Variants in ARHGAP30 observed in about 807,000 individuals in gnomAD.
ARHGAP30 encodes the protein Rho GTPase activating protein 30, also known as rho GTPase-activating protein 30.
ARHGAP30 carries 23 observed loss-of-function variants against 72.0 expected under a neutral mutation model. The ratio of observed to expected loss-of-function variants is 0.32; its 90% CI spans 0.23 to 0.45. The LOEUF (loss-of-function observed/expected upper bound fraction) is 0.45. Ranked by LOEUF, ARHGAP30 falls within the 20% of genes least tolerant of loss-of-function variation. The pLI, the probability that ARHGAP30 is intolerant of heterozygous loss-of-function variation, is 1.00. For missense variants in ARHGAP30, 1,319 were observed against 1,383.4 expected, an observed-to-expected ratio of 0.95 and a Z score of 0.74; for synonymous variants, 576 against 528.2, an observed-to-expected ratio of 1.09 and a Z score of -1.24.
chr1:161,058,884 G>A (rs1652109851), intron 2 of ARHGAP30, among the ~76,000 whole-genome samples: 1 of 145,486 alleles, frequency 6.9e-6, no homozygotes, highest in Admixed American at 7.0e-5. Flanking sequence ...AGAAAGAAAT[G>A]TCCTGGAATT....
At chr1:161,053,006 G>T in intron 6 of ARHGAP30, 1 of 864,388 alleles carries the variant, frequency 1.2e-6, no homozygotes, top group Non-Finnish European at 1.7e-6. Context: ...TGGTGGGCTG[G>T]GGGTGGATAT....
intron 5 of ARHGAP30, 98 bp from the exon 6 acceptor site, chr1:161,053,483 TCTCTCTCTCTCTCTCTCTCTCTC>T: frequency 2.4e-6 from 3 of 1,224,690 alleles, no homozygotes; most frequent in African/African-American, 1.7e-5. Context: ...TCTCTCTCTC[TCTCTCTCTCTCTCTCTCTCTCTC>T]GAATGACCTT....
Position 161,061,314 on chromosome 1 carries a change from C to T in ARHGAP30, c.98-1598G>A, listed in dbSNP as rs867319696. ...CCAAGTAGCTGGAATTACAGACACG[C>T]GCCACCACGCCCAGCTAATTTTTGT... is the stretch of plus-strand genomic sequence containing the variant. On this transcript the variant is annotated intron_variant, in intron 1 of 11. Coordinates refer to ENST00000368013, the MANE Select transcript of ARHGAP30 (RefSeq NM_001025598.2). 2.9e-4 allele frequency among the ~76,000 whole-genome samples: 35 copies of T among 120,426 alleles called. No homozygotes were observed. The Middle Eastern group carries it at 0.019, about 67-fold the overall frequency. 79.0% of individuals were successfully genotyped at this position (120,426 alleles called of 152,430 possible). A position where few individuals can be genotyped will look rare whatever the true frequency, so the allele number is the denominator to read the frequency against.
At chr1:161,066,605 G>A (rs1001493003) in intron 1 of ARHGAP30, among the ~76,000 whole-genome samples, 2 of 136,292 alleles carry the variant, frequency 1.5e-5, no homozygotes, top group Non-Finnish European at 3.0e-5. Context: ...AGATGGTTGT[G>A]CTGCACTCCA....
intron 2 of ARHGAP30, 146 bp downstream of exon 2, chr1:161,059,468 C>T (rs1407958284): frequency 5.2e-6 from 3 of 579,796 alleles, no homozygotes; most frequent in East Asian, 3.1e-5. Context: ...TGTTAGAGCA[C>T]CTCCCTAGGA....
rs1360908494 is a variant in ARHGAP30, at chr1:161,049,832, C to G, written c.1421-143G>C. 4.4e-6 allele frequency: 5 copies of G among 1,143,758 alleles called. No individual in the cohort carries two copies. The African/African-American group carries it at 6.2e-5, about 14-fold the overall frequency. The allele number at this position is 1,143,758 out of a possible 1,614,324, so 70.9% of individuals were successfully genotyped here. On this transcript the variant is annotated intron_variant, in intron 10 of 11. Coordinates refer to ENST00000368013, the MANE Select transcript of ARHGAP30 (RefSeq NM_001025598.2). ...TGACTGATCCTTTCAGACCAATGTC[C>G]CTAGTTATTGGCTTGCTACCTTAAT...
intron 1 of ARHGAP30, among the ~76,000 whole-genome samples, chr1:161,066,878 C>G (rs1652816896): frequency 6.6e-6 from 1 of 152,106 alleles, no homozygotes; most frequent in South Asian, 2.1e-4. Flanking sequence ...GTCTGAGCTG[C>G]TGCTGTACTC....
At chr1:161,066,537 G>A (rs542678235) in intron 1 of ARHGAP30, among the ~76,000 whole-genome samples, 8 of 150,354 alleles carry the variant, frequency 5.3e-5, no homozygotes, top group East Asian at 2.0e-4. Context: ...CCAGCTACTC[G>A]AGAGGCTGAG....
At chr1:161,054,517 C>G in intron 4 of ARHGAP30, 44 bp from the exon 5 acceptor site, 1 of 1,605,354 alleles carries the variant, frequency 6.2e-7, no homozygotes, top group Non-Finnish European at 8.5e-7. Flanking sequence ...ATGCCCAGGG[C>G]AGGCATTAGG....
intron 7 of ARHGAP30, 27 bp from the exon 8 acceptor site, chr1:161,052,570 G>C: frequency 6.2e-7 from 1 of 1,614,032 alleles, no homozygotes; most frequent in Non-Finnish European, 8.5e-7. Context: ...GGCATAATTG[G>C]AGGTTGGAAC....
intron 1 of ARHGAP30, among the ~76,000 whole-genome samples, chr1:161,062,857 C>G (rs548378730): frequency 6.6e-6 from 1 of 151,972 alleles, no homozygotes; most frequent in South Asian, 2.1e-4. Context: ...TCTTGTTGCC[C>G]AGGCTGGAGT....
intron 2 of ARHGAP30, among the ~76,000 whole-genome samples, chr1:161,058,892 A>G (rs1199138805): frequency 1.3e-5 from 2 of 151,498 alleles, no homozygotes; most frequent in South Asian, 2.1e-4. Context: ...ATGTCCTGGA[A>G]TTAGATAGTG....
Position 161,051,660 on chromosome 1 carries a change from C to T in ARHGAP30, c.1074G>A (p.Glu358=), listed in dbSNP as rs1287601722. 2.5e-6 allele frequency: 4 copies of T among 1,612,876 alleles called. No homozygotes were observed. The highest frequency in any genetic ancestry group is 1.3e-5 in the African/African-American group (1 of 75,028). ...SSPRPSPLLP[E]SLENDSIEAA... Reference sequence around the variant, plus strand: ...CCTCTATAGAATCGTTCTCCAAGCTCTCAGGCAGCAATGGGCTTGGCCGGG... The same window carrying T: ...CCTCTATAGAATCGTTCTCCAAGCTTTCAGGCAGCAATGGGCTTGGCCGGG... Residue 358 remains glutamate, a synonymous_variant, in exon 10 of 12, where the codon GAG becomes GAA. Coordinates refer to ENST00000368013, the MANE Select transcript of ARHGAP30 (RefSeq NM_001025598.2).
At chr1:161,063,443 C>T (rs1185109331) in intron 1 of ARHGAP30, among the ~76,000 whole-genome samples, 2 of 152,198 alleles carry the variant, frequency 1.3e-5, no homozygotes, top group Admixed American at 1.3e-4. Context: ...TATCACTTCC[C>T]CAATCAATAC....
At chr1:161,049,735 AC>A in intron 10 of ARHGAP30, 46 bp from the exon 11 acceptor site, 3 of 1,582,034 alleles carry the variant, frequency 1.9e-6, no homozygotes, top group East Asian at 2.2e-5. Flanking sequence ...TCAAGCCCTG[AC>A]CCTTTTCAGT....
Position 161,047,691 on chromosome 1 carries a change from CTT to C in ARHGAP30, c.*22_*23del. On this transcript the variant is annotated 3_prime_UTR_variant, in exon 12 of 12. Transcript: ENST00000368013. ...AGATTCAAGACAACTTGCTGGTCCC[CTT>C]TGCCCAGGGCTGTGGTCCTAATCAC... 1 of 1,501,352 alleles carries C rather than the reference CTT, an allele frequency of 6.7e-7. No homozygotes were observed. The highest frequency in any genetic ancestry group is 8.9e-7 in the Non-Finnish European group (1 of 1,125,610). The allele number at this position is 1,501,352 out of a possible 1,614,324, so 93.0% of individuals were successfully genotyped here. A position where few individuals can be genotyped will look rare whatever the true frequency, so the allele number is the denominator to read the frequency against.
At position 161,052,458 on chromosome 1, in the gene ARHGAP30, G is replaced by T. The variant is rs771374572; in HGVS notation, c.922C>A (p.Arg308=). Residue 308 remains arginine (R), a synonymous_variant, in exon 8 of 12, where the codon CGG becomes AGG. Coordinates refer to ENST00000368013, the MANE Select transcript of ARHGAP30 (RefSeq NM_001025598.2). ...SGHETKRKLP[R]GAEDREDKSN... ...GACTTACCCCTGTCCTCAGCCCCCCGTGGAAGTTTACGCTTAGTCTCATGG... is the reference window on the plus strand; with the variant it reads ...GACTTACCCCTGTCCTCAGCCCCCCTTGGAAGTTTACGCTTAGTCTCATGG... 6.2e-7 allele frequency: 1 copy of T among 1,613,042 alleles called. No homozygotes were observed. The highest frequency in any genetic ancestry group is 8.5e-7 in the Non-Finnish European group (1 of 1,179,870).
chr1:161,053,472 CTCTCT>C lies in ARHGAP30; in HGVS notation c.537-92_537-88del. ...CCTGAAAATACCTTATTCTCTCTCT[CTCTCT>C]CTCTCTCTCTCTCTCTCTCTCTCTC... On this transcript the variant is annotated intron_variant, in intron 5 of 11. Coordinates refer to ENST00000368013, the MANE Select transcript of ARHGAP30 (RefSeq NM_001025598.2). 3 of 890,584 alleles carry C rather than the reference CTCTCT, an allele frequency of 3.4e-6. No homozygotes were observed. In the South Asian group the frequency reaches 6.3e-5, roughly 19 times the overall value. The allele number at this position is 890,584 out of a possible 1,614,324, so 55.2% of individuals were successfully genotyped here. A position where few individuals can be genotyped will look rare whatever the true frequency, so the allele number is the denominator to read the frequency against.
chr1:161,064,800 A>AAAG, intron 1 of ARHGAP30, among the ~76,000 whole-genome samples: 1 of 69,580 alleles, frequency 1.4e-5, no homozygotes, highest in Middle Eastern at 5.7e-3. Context: ...AGAAAGAAAG[A>AAAG]AAGAAAGAAA....
Sources: allele counts gnomAD v4.1 joint callset (sites outside exome capture counted in the v4.1 genomes callset), GRCh38; gene constraint gnomAD v4.1.1; transcripts MANE v1.5; gene names NCBI Gene and HGNC (gene_info 2026-07-23, HGNC 2026-07-21).